The following TBL1XR1 variants were observed in gnomAD, a reference collection of about 807,000 sequenced individuals.
TBL1XR1 encodes F-box-like/WD repeat-containing protein TBL1XR1.
Under a neutral mutation model 66.9 loss-of-function variants are expected in TBL1XR1, and 5 were observed. That is an observed-to-expected ratio of 0.07 (90% confidence interval 0.04 to 0.16). The LOEUF is 0.16. Among genes scored for constraint, TBL1XR1 ranks in the 10% least tolerant of loss-of-function variants. TBL1XR1 has a pLI of 1.00. For missense variants in TBL1XR1, 238 were observed against 623.2 expected (o/e 0.38, Z 6.58); for synonymous variants, 210 against 206.0 (o/e 1.02, Z -0.17).
chr3:177,051,792 C>A, intron 4 of TBL1XR1, 66 bp from the exon 5 acceptor site: 2 of 1,341,234 alleles, frequency 1.5e-6, no homozygotes, highest in Non-Finnish European at 1.9e-6. Context: ...TGTATTTATA[C>A]AAAATCAGAA....
At chr3:177,186,072 C>T (rs1735370193) in intron 1 of TBL1XR1, among the ~76,000 whole-genome samples, 1 of 152,096 alleles carries the variant, frequency 6.6e-6, no homozygotes, top group Non-Finnish European at 1.5e-5. Flanking sequence ...CACCAGGTGT[C>T]AAAACTAGTG....
At chr3:177,040,601 C>T (rs1386316228) in intron 10 of TBL1XR1, among the ~76,000 whole-genome samples, 1 of 151,100 alleles carries the variant, frequency 6.6e-6, no homozygotes, top group Non-Finnish European at 1.5e-5. Context: ...GCATTTAGGA[C>T]TCAGAAAGGA....
At chr3:177,147,337 C>T (rs1450911410) in intron 1 of TBL1XR1, among the ~76,000 whole-genome samples, 3 of 152,274 alleles carry the variant, frequency 2.0e-5, no homozygotes, top group Admixed American at 6.5e-5. Flanking sequence ...GGATGAGCCA[C>T]GATGCCCGAC....
At position 177,025,060 on chromosome 3, in the gene TBL1XR1, T is replaced by C. The variant is rs1264261513; in HGVS notation, c.*438A>G. 1 of 163,058 alleles carries C rather than the reference T, an allele frequency of 6.1e-6. No individual in the cohort carries two copies. The highest frequency in any genetic ancestry group is 1.7e-4 in the East Asian group (1 of 5,816). The allele number at this position is 163,058 out of a possible 1,614,324, so 10.1% of individuals were successfully genotyped here. A position where few individuals can be genotyped will look rare whatever the true frequency, so the allele number is the denominator to read the frequency against. ...AACAAACTACTGCTGCAAGTTTTTGTAAGTCCATTTTCTCTGTACATACAA... is the reference window on the plus strand; with the variant it reads ...AACAAACTACTGCTGCAAGTTTTTGCAAGTCCATTTTCTCTGTACATACAA... On this transcript the variant is annotated 3_prime_UTR_variant, in exon 16 of 16. Coordinates refer to ENST00000457928, the MANE Select transcript of TBL1XR1 (RefSeq NM_024665.7).
At chr3:177,072,382 G>A (rs913415394) in intron 2 of TBL1XR1, among the ~76,000 whole-genome samples, 3 of 151,622 alleles carry the variant, frequency 2.0e-5, no homozygotes, top group African/African-American at 7.3e-5. Flanking sequence ...CAAAGCGATA[G>A]TGGGTAAAAC....
At chr3:177,193,734 A>G (rs1736461529) in intron 1 of TBL1XR1, among the ~76,000 whole-genome samples, 1 of 150,918 alleles carries the variant, frequency 6.6e-6, no homozygotes, top group African/African-American at 2.5e-5. Context: ...CATAAACTTG[A>G]TTAGAAACAC....
At chr3:177,143,722 G>C (rs1396986120) in intron 1 of TBL1XR1, among the ~76,000 whole-genome samples, 1 of 152,222 alleles carries the variant, frequency 6.6e-6, no homozygotes, top group Non-Finnish European at 1.5e-5. Context: ...TTATCCAATT[G>C]TTTAGGTTTC....
At position 177,050,105 on chromosome 3, in the gene TBL1XR1, A is replaced by G. The variant is rs1021701037; in HGVS notation, c.594T>C (p.Leu198=). The stretch of plus-strand genomic sequence containing the variant: ...TAGAGCCACTGGTGCTGTTCTCACT[A>G]AGATTCCATATTCTTGCTGTTGAGT... The part of the protein sequence containing the change: ...SGDSTARIWN[L]SENSTSGSTQ... Residue 198 remains leucine (L), a synonymous_variant, in exon 7 of 16, where the codon CTT becomes CTC. Coordinates refer to ENST00000457928, the MANE Select transcript of TBL1XR1 (RefSeq NM_024665.7). The G allele has an allele frequency of 4.8e-5, 77 of 1,613,144 alleles. No individual in the cohort carries two copies. The highest frequency in any genetic ancestry group is 6.4e-5 in the Non-Finnish European group (76 of 1,179,600).
At chr3:177,145,685 G>T (rs1020817684) in intron 1 of TBL1XR1, among the ~76,000 whole-genome samples, 33 of 152,232 alleles carry the variant, frequency 2.2e-4, no homozygotes, top group African/African-American at 7.5e-4. Context: ...AAAAGACCCA[G>T]ATAGCACCAA....
intron 14 of TBL1XR1, among the ~76,000 whole-genome samples, chr3:177,032,015 G>GAT (rs1714078858): frequency 6.6e-6 from 1 of 152,112 alleles, no homozygotes; most frequent in Admixed American, 6.5e-5. Flanking sequence ...GATTCCTAAT[G>GAT]TCATTCATAA....
At chr3:177,085,079 G>GA (rs1318086733) in intron 2 of TBL1XR1, among the ~76,000 whole-genome samples, 1 of 152,054 alleles carries the variant, frequency 6.6e-6, no homozygotes, top group Non-Finnish European at 1.5e-5. Flanking sequence ...AACTAAATCA[G>GA]AAAAAACGAG....
At chr3:177,195,360 C>T (rs1338967104) in intron 1 of TBL1XR1, among the ~76,000 whole-genome samples, 10 of 150,986 alleles carry the variant, frequency 6.6e-5, no homozygotes, top group African/African-American at 1.2e-4. Context: ...GGGAAGCTTG[C>T]CATCAACTCC....
At chr3:177,037,225 T>C (rs1714920954) in intron 12 of TBL1XR1, among the ~76,000 whole-genome samples, 1 of 152,212 alleles carries the variant, frequency 6.6e-6, no homozygotes, top group Non-Finnish European at 1.5e-5. Flanking sequence ...TACAAAGATT[T>C]TGAGTACTTA....
At chr3:177,074,390 G>A (rs1422141437) in intron 2 of TBL1XR1, among the ~76,000 whole-genome samples, 2 of 152,160 alleles carry the variant, frequency 1.3e-5, no homozygotes, top group Non-Finnish European at 2.9e-5. Context: ...CCTTGCGTAT[G>A]AGCCATGATC....
At chr3:177,069,800 GGAA>G (rs1560138948) in intron 2 of TBL1XR1, among the ~76,000 whole-genome samples, 8 of 92,260 alleles carry the variant, frequency 8.7e-5, no homozygotes, top group Non-Finnish European at 1.2e-4. Flanking sequence ...AGGAAAGGAA[GGAA>G]GGAAGGAAGG....
At chr3:177,191,217 C>A (rs950937514) in intron 1 of TBL1XR1, among the ~76,000 whole-genome samples, 5 of 152,136 alleles carry the variant, frequency 3.3e-5, no homozygotes, top group African/African-American at 1.2e-4. Flanking sequence ...AAAGAGAATC[C>A]ATTATGGGTT....
intron 1 of TBL1XR1, among the ~76,000 whole-genome samples, chr3:177,119,116 C>T (rs1042491637): frequency 3.9e-5 from 6 of 152,126 alleles, no homozygotes; most frequent in Admixed American, 3.3e-4. Context: ...GGATTACAGG[C>T]ACCTGCCACC....
At chr3:177,044,317 GCA>G (rs1371604823) in intron 10 of TBL1XR1, among the ~76,000 whole-genome samples, 1 of 152,162 alleles carries the variant, frequency 6.6e-6, no homozygotes, top group Admixed American at 6.5e-5. Context: ...TTGGAAATCT[GCA>G]CATAGCTTTT....
intron 12 of TBL1XR1, 44 bp from the exon 13 acceptor site, chr3:177,034,369 T>C (rs1335640197): frequency 2.2e-6 from 3 of 1,355,036 alleles, no homozygotes; most frequent in Middle Eastern, 5.1e-4. Flanking sequence ...TTCCATACAA[T>C]GAGTATATTT....
Sources: allele counts gnomAD v4.1 joint callset (sites outside exome capture counted in the v4.1 genomes callset), GRCh38; gene constraint gnomAD v4.1.1; transcripts MANE v1.5; gene names NCBI Gene and HGNC (gene_info 2026-07-23, HGNC 2026-07-21).